The following UBASH3B variants were observed in gnomAD, a reference collection of about 807,000 sequenced individuals.
UBASH3B encodes the protein ubiquitin-associated and SH3 domain-containing protein B.
UBASH3B carries 37 observed loss-of-function variants against 83.4 expected under a neutral mutation model. The observed-to-expected ratio is 0.44, with a 90% CI of 0.34 to 0.58. UBASH3B has a LOEUF of 0.58. Ranked by LOEUF, UBASH3B falls within the 20% of genes least tolerant of loss-of-function variation. UBASH3B has a pLI of 0.01. For synonymous variants in UBASH3B, 304 were observed against 318.3 expected (o/e 0.96, Z 0.48); for missense variants, 657 against 827.2 (o/e 0.79, Z 2.52).
chr11:122,761,227 C>T (rs545872177), intron 1 of UBASH3B, among the ~76,000 whole-genome samples: 1 of 152,162 alleles, frequency 6.6e-6, no homozygotes, highest in Non-Finnish European at 1.5e-5. Context: ...GGTAGAAAGG[C>T]CTCAGCTTAG....
chr11:122,796,586 C>T (rs1861161353), intron 8 of UBASH3B, among the ~76,000 whole-genome samples: 3 of 152,150 alleles, frequency 2.0e-5, no homozygotes, highest in Non-Finnish European at 2.9e-5. Context: ...ATCTCCCTGG[C>T]TCGCTCGGTT....
intron 12 of UBASH3B, among the ~76,000 whole-genome samples, chr11:122,807,848 C>A (rs1307215361): frequency 6.6e-6 from 1 of 152,180 alleles, no homozygotes; most frequent in Non-Finnish European, 1.5e-5. Context: ...AGCCACCACA[C>A]CCGGCCCCAT....
intron 12 of UBASH3B, among the ~76,000 whole-genome samples, chr11:122,807,126 C>T (rs1400368367): frequency 6.6e-6 from 1 of 152,064 alleles, no homozygotes; most frequent in Non-Finnish European, 1.5e-5. Context: ...ATGAATGATT[C>T]CCACCTTCCA....
At chr11:122,778,370 T>C (rs898558619) in intron 3 of UBASH3B, among the ~76,000 whole-genome samples, 2 of 152,140 alleles carry the variant, frequency 1.3e-5, no homozygotes, top group African/African-American at 4.8e-5. Context: ...TTTCCAATGC[T>C]CTCAGGAAGG....
At chr11:122,658,754 C>G (rs146756301) in intron 1 of UBASH3B, among the ~76,000 whole-genome samples, 158 of 152,328 alleles carry the variant, frequency 1.0e-3, no homozygotes, top group African/African-American at 3.7e-3. Flanking sequence ...GGGTAAAATG[C>G]TTAGAACAGT....
At chr11:122,803,230 G>A (rs1216476047) in intron 11 of UBASH3B, among the ~76,000 whole-genome samples, 1 of 152,192 alleles carries the variant, frequency 6.6e-6, no homozygotes, top group Non-Finnish European at 1.5e-5. Context: ...GAAAGCCAAA[G>A]TTGAAGCATG....
intron 1 of UBASH3B, among the ~76,000 whole-genome samples, chr11:122,755,002 C>T (rs1009477323): frequency 2.6e-5 from 4 of 152,142 alleles, no homozygotes; most frequent in African/African-American, 7.2e-5. Context: ...GCACTTGACA[C>T]GGACTTAAAT....
chr11:122,765,347 C>T (rs956885527), intron 1 of UBASH3B, among the ~76,000 whole-genome samples: 2 of 152,164 alleles, frequency 1.3e-5, no homozygotes, highest in African/African-American at 4.8e-5. Flanking sequence ...GGCTTATTGG[C>T]CACTTCTCAC....
chr11:122,792,810 C>T (rs1861083014), intron 6 of UBASH3B, among the ~76,000 whole-genome samples: 1 of 152,142 alleles, frequency 6.6e-6, no homozygotes. Context: ...ACTGTAGGTT[C>T]CTGGGTCCCA....
intron 1 of UBASH3B, among the ~76,000 whole-genome samples, chr11:122,754,506 A>G (rs1365239530): frequency 1.3e-5 from 2 of 152,214 alleles, no homozygotes; most frequent in African/African-American, 4.8e-5. Context: ...GATGAACAGC[A>G]TTAGGCTTGA....
chr11:122,655,931 G>A lies in UBASH3B; in HGVS notation c.-119G>A, dbSNP rs1296929214. ...AGCTCGGAGCGCCGCCTCCGCTGCC[G>A]CCGCCTCCTGCCTGGCTCTGGGTCC... On this transcript the variant is annotated 5_prime_UTR_variant, in exon 1 of 14. Transcript: ENST00000284273. 1.8e-6 allele frequency: 2 copies of A among 1,125,038 alleles called. No individual in the cohort carries two copies. The highest frequency in any genetic ancestry group is 3.2e-5 in the East Asian group (1 of 31,292). 69.7% of individuals were successfully genotyped at this position (1,125,038 alleles called of 1,614,324 possible).
intron 5 of UBASH3B, among the ~76,000 whole-genome samples, chr11:122,786,300 C>T (rs1591813463): frequency 6.6e-6 from 1 of 151,720 alleles, no homozygotes; most frequent in African/African-American, 2.4e-5. Context: ...CCGCCTATCT[C>T]GGCCTCCCAA....
intron 1 of UBASH3B, among the ~76,000 whole-genome samples, chr11:122,694,225 T>C (rs1285614624): frequency 6.6e-6 from 1 of 152,196 alleles, no homozygotes; most frequent in Non-Finnish European, 1.5e-5. Context: ...ATGAGAGCTA[T>C]AGGCCTTAGG....
At chr11:122,741,408 C>T (rs1240054843) in intron 1 of UBASH3B, among the ~76,000 whole-genome samples, 1 of 152,164 alleles carries the variant, frequency 6.6e-6, no homozygotes, top group Non-Finnish European at 1.5e-5. Flanking sequence ...GGCTGTTTAC[C>T]AATAAATGAA....
intron 1 of UBASH3B, among the ~76,000 whole-genome samples, chr11:122,665,563 C>T (rs1047404164): frequency 6.6e-6 from 1 of 152,148 alleles, no homozygotes; most frequent in Non-Finnish European, 1.5e-5. Context: ...TGTTCCAGAG[C>T]ATTTGGCTTT....
At chr11:122,712,103 TTC>T (rs1403141157) in intron 1 of UBASH3B, among the ~76,000 whole-genome samples, 4 of 152,008 alleles carry the variant, frequency 2.6e-5, no homozygotes, top group Non-Finnish European at 1.5e-5. Flanking sequence ...GGGAAAAAAC[TTC>T]TCTGAAAATG....
chr11:122,732,909 C>G (rs1179452967), intron 1 of UBASH3B, among the ~76,000 whole-genome samples: 1 of 152,198 alleles, frequency 6.6e-6, no homozygotes, highest in Non-Finnish European at 1.5e-5. Context: ...CCTTCCTTCC[C>G]TCCAGTGGAA....
chr11:122,699,529 T>C (rs1043015991), intron 1 of UBASH3B, among the ~76,000 whole-genome samples: 80 of 80,616 alleles, frequency 9.9e-4, no homozygotes, highest in African/African-American at 3.5e-3. Context: ...CTTTCTTTCT[T>C]TCTCTTTCTT....
intron 1 of UBASH3B, among the ~76,000 whole-genome samples, chr11:122,721,368 C>T (rs1333020709): frequency 6.6e-6 from 1 of 151,830 alleles, no homozygotes; most frequent in Non-Finnish European, 1.5e-5. Context: ...TCTTCCACAG[C>T]ACTACGGGGG....
Sources: gnomAD v4.1 joint callset for allele counts (sites outside exome capture counted in the v4.1 genomes callset) on GRCh38, gnomAD v4.1.1 for gene constraint, MANE v1.5 for transcripts, NCBI Gene and HGNC (gene_info 2026-07-23, HGNC 2026-07-21) for gene names.